RGS7: variants seen among roughly 807,000 people sequenced by gnomAD.
The protein encoded by RGS7 is regulator of G-protein signaling 7.
RGS7 carries 27 observed loss-of-function variants against 81.1 expected under a neutral mutation model. The observed-to-expected ratio is 0.33, with a 90% CI of 0.25 to 0.46. The LOEUF (loss-of-function observed/expected upper bound fraction) is 0.46, where lower values mean the gene tolerates loss of function less well. Ranked by LOEUF, RGS7 falls within the 20% of genes least tolerant of loss-of-function variation. The probability of loss-of-function intolerance (pLI) is 1.00; values close to 1 mark genes in which losing one functional copy is unlikely to be tolerated. For synonymous variants in RGS7, 208 were observed against 207.7 expected, an observed-to-expected ratio of 1.00 and a Z score of -0.01; for missense variants, 396 against 607.4, an observed-to-expected ratio of 0.65 and a Z score of 3.66.
chr1:241,245,960 C>A (rs548878405), intron 2 of RGS7, among the ~76,000 whole-genome samples: 40 of 151,852 alleles, frequency 2.6e-4, no homozygotes, highest in African/African-American at 9.7e-4. Context: ...AAAAATTAGC[C>A]AGGCGTGGTG....
At chr1:240,777,771 T>C (rs1476593540) in intron 18 of RGS7, among the ~76,000 whole-genome samples, 1 of 152,166 alleles carries the variant, frequency 6.6e-6, no homozygotes, top group Non-Finnish European at 1.5e-5. Flanking sequence ...CTGGGACCTA[T>C]CTGATAAAGG....
Position 241,037,477 on chromosome 1 carries a change from T to C in RGS7, c.176-54348A>G, listed in dbSNP as rs543172545. Among the ~76,000 whole-genome samples the C allele has an allele frequency of 1.9e-4, 29 of 152,212 alleles. No homozygotes were observed. The South Asian group carries it at 5.6e-3, about 29-fold the overall frequency. On this transcript the variant is annotated intron_variant, in intron 3 of 18. Transcript: ENST00000440928. ...GGCTCATGCCTGTAATCCCAGCACT[T>C]TGGGAGGCCGAGGCGGGCAGATCAC...
intron 2 of RGS7, among the ~76,000 whole-genome samples, chr1:241,116,565 C>T (rs1443475700): frequency 1.3e-5 from 2 of 151,912 alleles, no homozygotes; most frequent in East Asian, 3.9e-4. Flanking sequence ...TATAAGACTC[C>T]AAACTTATGA....
At chr1:241,241,734 A>G (rs1490850713) in intron 2 of RGS7, among the ~76,000 whole-genome samples, 2 of 152,158 alleles carry the variant, frequency 1.3e-5, no homozygotes, top group African/African-American at 4.8e-5. Flanking sequence ...AGAGGGACAC[A>G]TGTATACATG....
chr1:241,326,133 CTCAA>C (rs1172433610), intron 2 of RGS7, among the ~76,000 whole-genome samples: 1 of 152,144 alleles, frequency 6.6e-6, no homozygotes, highest in African/African-American at 2.4e-5. Flanking sequence ...AGGATGTGTA[CTCAA>C]ACAGAGGTGT....
chr1:241,236,170 GCC>G (rs869291634), intron 2 of RGS7, among the ~76,000 whole-genome samples: 1 of 119,514 alleles, frequency 8.4e-6, no homozygotes, highest in Non-Finnish European at 1.8e-5. Flanking sequence ...GACGACCTCC[GCC>G]CCCCATATTT....
At chr1:241,004,776 C>T (rs2058596093) in intron 3 of RGS7, among the ~76,000 whole-genome samples, 1 of 152,114 alleles carries the variant, frequency 6.6e-6, no homozygotes, top group South Asian at 2.1e-4. Context: ...TCTCTCTGGA[C>T]TGGGGGTCTT....
chr1:241,205,492 G>T (rs1274014604), intron 2 of RGS7, among the ~76,000 whole-genome samples: 18 of 149,016 alleles, frequency 1.2e-4, no homozygotes, highest in Non-Finnish European at 3.0e-5. Context: ...ACAGAGTCTT[G>T]TTCTGTTGTC....
chr1:241,109,376 T>C (rs1447649428), intron 2 of RGS7, among the ~76,000 whole-genome samples: 1 of 152,170 alleles, frequency 6.6e-6, no homozygotes, highest in Non-Finnish European at 1.5e-5. Flanking sequence ...CCCAACAGAA[T>C]ATGATCATAT....
chr1:240,811,243 C>A (rs1419132829), intron 14 of RGS7, among the ~76,000 whole-genome samples: 2 of 152,128 alleles, frequency 1.3e-5, no homozygotes, highest in Admixed American at 1.3e-4. Flanking sequence ...GTTATCACTC[C>A]CTTCAATGAT....
chr1:241,171,867 A>C (rs2070759256), intron 2 of RGS7, among the ~76,000 whole-genome samples: 2 of 152,244 alleles, frequency 1.3e-5, no homozygotes, highest in Admixed American at 1.3e-4. Flanking sequence ...CAAAAAAATC[A>C]AATCAGTCAG....
At chr1:241,042,743 T>C (rs1272036079) in intron 3 of RGS7, among the ~76,000 whole-genome samples, 2 of 151,974 alleles carry the variant, frequency 1.3e-5, no homozygotes, top group Non-Finnish European at 2.9e-5. Flanking sequence ...AGTTTGAGTC[T>C]AGCTTGGCCA....
At chr1:241,333,759 A>G (rs992155679) in intron 2 of RGS7, among the ~76,000 whole-genome samples, 4 of 152,092 alleles carry the variant, frequency 2.6e-5, no homozygotes, top group African/African-American at 9.7e-5. Flanking sequence ...TATATAGATA[A>G]TATACTCTAT....
At chr1:240,995,341 T>C (rs1282932461) in intron 3 of RGS7, among the ~76,000 whole-genome samples, 4 of 152,206 alleles carry the variant, frequency 2.6e-5, no homozygotes, top group African/African-American at 7.2e-5. Context: ...AGGGTAATAA[T>C]AGCTTCATAA....
intron 3 of RGS7, among the ~76,000 whole-genome samples, chr1:241,064,683 C>T (rs2061956466): frequency 6.6e-6 from 1 of 151,790 alleles, no homozygotes; most frequent in Non-Finnish European, 1.5e-5. Context: ...ATGGCTTGAA[C>T]CCAGAAGTTC....
intron 2 of RGS7, among the ~76,000 whole-genome samples, chr1:241,246,851 A>T (rs190475560): frequency 6.6e-6 from 1 of 152,024 alleles, no homozygotes; most frequent in African/African-American, 2.4e-5. Context: ...GTCCAAAGGG[A>T]GCCATTTCAG....
intron 2 of RGS7, among the ~76,000 whole-genome samples, chr1:241,235,546 C>A (rs1162667012): frequency 3.9e-5 from 6 of 152,120 alleles, no homozygotes; most frequent in Non-Finnish European, 8.8e-5. Flanking sequence ...GTTTTTCATT[C>A]TGATTGTAGA....
At chr1:241,180,931 T>C (rs1208324321) in intron 2 of RGS7, among the ~76,000 whole-genome samples, 1 of 152,220 alleles carries the variant, frequency 6.6e-6, no homozygotes, top group East Asian at 1.9e-4. Context: ...CAATGCATGT[T>C]AGTAAGTGAA....
chr1:241,278,510 G>C (rs1358336687), intron 2 of RGS7, among the ~76,000 whole-genome samples: 4 of 152,164 alleles, frequency 2.6e-5, no homozygotes, highest in African/African-American at 9.7e-5. Flanking sequence ...GTTGTTGTTA[G>C]TGAGGTTCTT....
Sources: allele counts gnomAD v4.1 joint callset (sites outside exome capture counted in the v4.1 genomes callset), GRCh38; gene constraint gnomAD v4.1.1; transcripts MANE v1.5; gene names NCBI Gene and HGNC (gene_info 2026-07-23, HGNC 2026-07-21).